Variants in DPP6 observed in about 807,000 individuals in gnomAD.
The protein encoded by DPP6 is A-type potassium channel modulatory protein DPP6.
DPP6 carries 69 observed loss-of-function variants against 122.6 expected under a neutral mutation model. The ratio of observed to expected loss-of-function variants is 0.56; its 90% CI spans 0.46 to 0.69. The LOEUF is 0.69. Ranked by LOEUF, DPP6 falls within the 30% of genes least tolerant of loss-of-function variation. The probability of loss-of-function intolerance (pLI) is 0.00; values close to 1 mark genes in which losing one functional copy is unlikely to be tolerated. For missense variants in DPP6, 928 were observed against 1,116.9 expected (o/e 0.83, Z 2.41); for synonymous variants, 418 against 433.1 (o/e 0.97, Z 0.43).
intron 5 of DPP6, among the ~76,000 whole-genome samples, chr7:154,611,879 G>GT: frequency 6.6e-6 from 1 of 150,892 alleles, no homozygotes; most frequent in African/African-American, 2.5e-5. Context: ...GTGTGTGTGT[G>GT]GTGTATGGGT....
In DPP6 at chr7:154,821,661, T is replaced by C. The variant is rs867313434; in HGVS notation, c.1666+14549T>C. On this transcript the variant is annotated intron_variant, in intron 16 of 25. Transcript: ENST00000377770. This position sits in a 1 kb window ranked among gnomAD's most constrained non-coding sequence, Gnocchi z 4.2. Reference sequence around the variant, plus strand: ...ATATATATATACACATATATATATATATACACATATATATATACACACACA... The same window carrying C: ...ATATATATATACACATATATATATACATACACATATATATATACACACACA... Among the ~76,000 whole-genome samples the C allele has an allele frequency of 4.6e-5, 6 of 129,532 alleles. No individual in the cohort carries two copies. The highest frequency in any genetic ancestry group is 8.2e-5 in the Non-Finnish European group (5 of 60,864). The allele number at this position is 129,532 out of a possible 152,430, so 85.0% of individuals were successfully genotyped here. A position where few individuals can be genotyped will look rare whatever the true frequency, so the allele number is the denominator to read the frequency against.
rs139713652 is a variant in DPP6 at position 154,544,243 on chromosome 7, A to G, written c.552+3617A>G. Among the ~76,000 whole-genome samples the G allele has an allele frequency of 1.1e-3, 167 of 151,646 alleles. 1 individual carries two copies. The highest frequency in any genetic ancestry group is 3.5e-3 in the African/African-American group (144 of 41,404). On this transcript the variant is annotated intron_variant, in intron 4 of 25. Coordinates refer to ENST00000377770, the MANE Select transcript of DPP6 (RefSeq NM_130797.4). ...GGTAGCTAAGAACTGCTTTTTAGAA[A>G]ACATTTATCAAAATGTCTTGATCCA...
At chr7:154,390,676 G>A (rs10253541) in intron 1 of DPP6, among the ~76,000 whole-genome samples, 1 of 152,062 alleles carries the variant, frequency 6.6e-6, no homozygotes, top group East Asian at 1.9e-4. Flanking sequence ...AAACGCAGGT[G>A]GAAGAAGCAG....
chr7:154,567,103 G>T (rs1037909767), intron 5 of DPP6, among the ~76,000 whole-genome samples, 187 bp downstream of exon 5: 2 of 152,086 alleles, frequency 1.3e-5, no homozygotes, highest in African/African-American at 2.4e-5. Context: ...TATCTGCTTG[G>T]CAGGGGAAAA....
rs534258928 is a variant in DPP6, at chr7:154,766,917, TGCCTAGTG to T, written c.884-2495_884-2488del. ...ATGAGGGGTGACCCTTGCCCCCCCT[TGCCTAGTG>T]GCCTCTTGTGGAACCTACGGGGTAG... On this transcript the variant is annotated intron_variant, in intron 8 of 25. Transcript: ENST00000377770. 2.6e-5 allele frequency among the ~76,000 whole-genome samples: 4 copies of T among 152,278 alleles called. No homozygotes were observed. In the South Asian group the frequency reaches 8.3e-4, roughly 32 times the overall value.
intron 6 of DPP6, among the ~76,000 whole-genome samples, chr7:154,658,956 G>C (rs1375652908): frequency 6.6e-6 from 1 of 152,234 alleles, no homozygotes. Context: ...AGTCTGGGCA[G>C]AGAAGGAGTT....
intron 1 of DPP6, among the ~76,000 whole-genome samples, chr7:153,905,173 G>A (rs565657466): frequency 1.3e-5 from 2 of 152,314 alleles, no homozygotes; most frequent in African/African-American, 2.4e-5. Flanking sequence ...AGGTGATTTC[G>A]TTATGGTCAG....
the DPP6 span, among the ~76,000 whole-genome samples, chr7:153,857,662 C>G: frequency 6.6e-6 from 1 of 152,156 alleles, no homozygotes; most frequent in African/African-American, 2.4e-5. Flanking sequence ...TAAACTAAAG[C>G]AGATGCAAAA....
chr7:153,982,941 C>T (rs1380960349), intron 1 of DPP6, among the ~76,000 whole-genome samples: 1 of 152,184 alleles, frequency 6.6e-6, no homozygotes, highest in African/African-American at 2.4e-5. Flanking sequence ...GGGGCACCCA[C>T]CAGATGCCAG....
At chr7:153,922,030 C>A (rs1332907494) in intron 1 of DPP6, among the ~76,000 whole-genome samples, 4 of 152,178 alleles carry the variant, frequency 2.6e-5, no homozygotes, top group Non-Finnish European at 5.9e-5. Flanking sequence ...CACGTCAGGC[C>A]CAGCAACCCA....
chr7:153,984,942 A>C (rs1796768769), intron 1 of DPP6, among the ~76,000 whole-genome samples: 2 of 152,182 alleles, frequency 1.3e-5, no homozygotes, highest in Non-Finnish European at 2.9e-5. Flanking sequence ...TATTCAGTGC[A>C]CTAGGGATAA....
chr7:154,532,892 C>A (rs986775813), intron 3 of DPP6, among the ~76,000 whole-genome samples: 2 of 152,138 alleles, frequency 1.3e-5, no homozygotes, highest in Non-Finnish European at 2.9e-5. Flanking sequence ...CACTTCTCCC[C>A]TAAAGCAGGT....
At chr7:154,508,194 C>T (rs1825803883) in intron 3 of DPP6, among the ~76,000 whole-genome samples, 1 of 152,130 alleles carries the variant, frequency 6.6e-6, no homozygotes, top group African/African-American at 2.4e-5. Flanking sequence ...AGATAGCCCC[C>T]CTTTAGTGAA....
At chr7:154,060,673 G>A (rs1175861679) in intron 1 of DPP6, among the ~76,000 whole-genome samples, 17 of 143,122 alleles carry the variant, frequency 1.2e-4, no homozygotes, top group African/African-American at 4.4e-4. Context: ...GCGACTGAGA[G>A]CTATCCCCTC....
chr7:154,203,707 C>T (rs947016890), intron 1 of DPP6, among the ~76,000 whole-genome samples: 1 of 152,148 alleles, frequency 6.6e-6, no homozygotes, highest in Admixed American at 6.5e-5. Context: ...TAATAAGACA[C>T]CTGGAAAGAG....
At chr7:154,072,589 TG>T (rs1259331220) in intron 1 of DPP6, among the ~76,000 whole-genome samples, 1 of 152,296 alleles carries the variant, frequency 6.6e-6, no homozygotes, top group Non-Finnish European at 1.5e-5. Context: ...CAGTAAGCAC[TG>T]GCAGAGAGCA....
chr7:154,531,194 T>G (rs1827813345), intron 3 of DPP6, among the ~76,000 whole-genome samples: 1 of 151,840 alleles, frequency 6.6e-6, no homozygotes, highest in Non-Finnish European at 1.5e-5. Flanking sequence ...AAATAAAAGT[T>G]GAAGGAAAAA....
At chr7:153,856,011 G>A in the DPP6 span, among the ~76,000 whole-genome samples, 2 of 152,148 alleles carry the variant, frequency 1.3e-5, no homozygotes, top group Non-Finnish European at 2.9e-5. Context: ...TGTCCCCCAA[G>A]TCAAAGGCTT....
At chr7:154,408,828 G>A (rs1317400185) in intron 1 of DPP6, among the ~76,000 whole-genome samples, 2 of 149,054 alleles carry the variant, frequency 1.3e-5, no homozygotes, top group Non-Finnish European at 3.0e-5. Context: ...GGATTGAATT[G>A]TATTCCCCCC....
Sources: allele counts gnomAD v4.1 joint callset (sites outside exome capture counted in the v4.1 genomes callset), GRCh38; gene constraint gnomAD v4.1.1; non-coding constraint Gnocchi (gnomAD v3.1); transcripts MANE v1.5; gene names NCBI Gene and HGNC (gene_info 2026-07-23, HGNC 2026-07-21).